SDHB: variants seen among roughly 807,000 people sequenced by gnomAD.
SDHB encodes succinate dehydrogenase [ubiquinone] iron-sulfur subunit, mitochondrial.
SDHB carries 21 observed loss-of-function variants against 39.7 expected under a neutral mutation model. The observed-to-expected ratio is 0.53, with a 90% CI of 0.37 to 0.76. The LOEUF is 0.76. Among genes scored for constraint, SDHB ranks in the 30% least tolerant of loss-of-function variants. The pLI, the probability that SDHB is intolerant of heterozygous loss-of-function variation, is 0.00. For synonymous variants in SDHB, 118 were observed against 117.0 expected (o/e 1.01, Z -0.06); for missense variants, 343 against 350.9 (o/e 0.98, Z 0.18).
chr1:17,028,679 C>T lies in SDHB; in HGVS notation c.344G>A (p.Arg115Gln), dbSNP rs200973284. The T allele has an allele frequency of 9.3e-6, 15 of 1,613,982 alleles. No individual in the cohort carries two copies. The Admixed American group carries it at 1.2e-4, about 13-fold the overall frequency. Residue 115 changes from arginine (R) to glutamine (Q), a missense_variant, in exon 4 of 8, where the codon CGA becomes CAA. Coordinates refer to ENST00000375499, the MANE Select transcript of SDHB (RefSeq NM_003000.3). ...INGGNTLACT[R>Q]RIDTNLNKVS... ...CTTATTGAGGTTGGTGTCAATCCTTCGGGTGCAAGCTAGAGTGTTGCCTCC... is the reference window on the plus strand; with the variant it reads ...CTTATTGAGGTTGGTGTCAATCCTTTGGGTGCAAGCTAGAGTGTTGCCTCC...
rs2077945744 is a variant in SDHB at position 17,018,888 on chromosome 1, G to A, written c.836C>T (p.Ser279Leu). ...MMATYKEKKA[S>L]V ...TGTTTAGCATGGAAACAGTTAAACT[G>A]AAGCTTTCTTCTCCTTATAGGTTGC... Residue 279 changes from serine (S) to leucine (L), a missense_variant, in exon 8 of 8, where the codon TCA (serine) becomes TTA (leucine). Coordinates refer to ENST00000375499, the MANE Select transcript of SDHB (RefSeq NM_003000.3). 1.9e-6 allele frequency: 3 copies of A among 1,609,234 alleles called. No homozygotes were observed. In the East Asian group the frequency reaches 6.7e-5, roughly 36 times the overall value.
rs528442805 is a variant in SDHB, at chr1:17,027,749, C to T, written c.540G>A (p.Leu180=). 1.3e-6 allele frequency: 2 copies of T among 1,521,466 alleles called. No individual in the cohort carries two copies. The highest frequency in any genetic ancestry group is 1.8e-6 in the Non-Finnish European group (2 of 1,095,722). The allele number at this position is 1,521,466 out of a possible 1,614,324, so 94.2% of individuals were successfully genotyped here. The part of the protein sequence containing the change: ...YLQSIEEREK[L]DGLYECILCA... ...GAAACAATAAATAGGGACTAATGAC[C>T]AGTTTCTCACGCTCTTCTATGGACT... The change falls in exon 5 of 8, where the codon CTG becomes CTA. Residue 180 remains leucine, a splice_region_variant and synonymous_variant. Transcript: ENST00000375499.
chr1:17,035,847 G>A (rs12562307), intron 2 of SDHB, among the ~76,000 whole-genome samples: 41,119 of 151,754 alleles, frequency 0.27, 6,360 homozygotes, highest in East Asian at 0.63. Flanking sequence ...GAGACAGAGC[G>A]AGACTGTCTC....
At chr1:17,052,250 C>G (rs2078152379) in intron 1 of SDHB, 2 of 152,190 alleles carry the variant, frequency 1.3e-5, no homozygotes, top group African/African-American at 2.4e-5. Context: ...CAGTCAAATA[C>G]TTACAGGCAG....
chr1:17,031,518 T>G (rs912324651), intron 3 of SDHB, among the ~76,000 whole-genome samples: 2 of 152,176 alleles, frequency 1.3e-5, no homozygotes, highest in Non-Finnish European at 2.9e-5. Context: ...TTTCCTGTGT[T>G]GCCAGGACTT....
At chr1:17,053,913 C>T in intron 1 of SDHB, 35 bp downstream of exon 1, 1 of 1,556,214 alleles carries the variant, frequency 6.4e-7, no homozygotes, top group South Asian at 1.1e-5. Flanking sequence ...CTGTGGCTTT[C>T]CTGACTTTTC....
chr1:17,040,917 G>A (rs1467941134), intron 2 of SDHB, among the ~76,000 whole-genome samples: 1 of 152,102 alleles, frequency 6.6e-6, no homozygotes, highest in African/African-American at 2.4e-5. Context: ...ATCACTTGAG[G>A]TCAGGAGTTT....
rs34261028 is a variant in SDHB at position 17,027,878 on chromosome 1, GGAAGAAGAAGAA to G, written c.424-25_424-14del. On this transcript the variant is annotated splice_polypyrimidine_tract_variant and intron_variant, in intron 4 of 7. Coordinates refer to ENST00000375499, the MANE Select transcript of SDHB (RefSeq NM_003000.3). The stretch of plus-strand genomic sequence containing the variant: ...AGTTGCTCAAATCCTGTGGTTAAGA[GGAAGAAGAAGAA>G]GAAGAAGAAGAAAAGGATCAGATTC... 2.2e-6 allele frequency: 3 copies of G among 1,378,020 alleles called. No homozygotes were observed. The South Asian group carries it at 3.5e-5, about 16-fold the overall frequency. The allele number at this position is 1,378,020 out of a possible 1,614,324, so 85.4% of individuals were successfully genotyped here. A position where few individuals can be genotyped will look rare whatever the true frequency, so the allele number is the denominator to read the frequency against.
chr1:17,049,231 T>A (rs2078130863), intron 1 of SDHB, among the ~76,000 whole-genome samples: 1 of 152,162 alleles, frequency 6.6e-6, no homozygotes, highest in African/African-American at 2.4e-5. Context: ...GCTTAAGCAA[T>A]CCTCCCATCT....
intron 2 of SDHB, among the ~76,000 whole-genome samples, chr1:17,036,399 C>T (rs1393540621): frequency 6.6e-6 from 1 of 151,910 alleles, no homozygotes; most frequent in Non-Finnish European, 1.5e-5. Flanking sequence ...CAGGTTTGAC[C>T]TCCCAGGCTC....
intron 1 of SDHB, among the ~76,000 whole-genome samples, chr1:17,051,791 A>T (rs2078149486): frequency 6.6e-6 from 1 of 152,056 alleles, no homozygotes; most frequent in Admixed American, 6.6e-5. Flanking sequence ...CTGATTTGTA[A>T]ATAGGTATCC....
intron 1 of SDHB, among the ~76,000 whole-genome samples, chr1:17,048,241 A>T (rs1222693243): frequency 1.3e-5 from 2 of 152,180 alleles, no homozygotes; most frequent in Admixed American, 6.6e-5. Flanking sequence ...ATCATCTGGT[A>T]TGTAGCCTTT....
At position 17,033,238 on chromosome 1, in the gene SDHB, T is replaced by G. The variant is rs901329352; in HGVS notation, c.201-93A>C. On this transcript the variant is annotated intron_variant, in intron 2 of 7. Transcript: ENST00000375499. ...ATCGGAGACACCTGGATGTATTAGC[T>G]TATCCATTTGGTCTTCTCAGGTCAC... 4.8e-6 allele frequency: 5 copies of G among 1,031,986 alleles called. No individual in the cohort carries two copies. In the Admixed American group the frequency reaches 5.7e-5, roughly 12 times the overall value. The allele number at this position is 1,031,986 out of a possible 1,614,324, so 63.9% of individuals were successfully genotyped here. A position where few individuals can be genotyped will look rare whatever the true frequency, so the allele number is the denominator to read the frequency against.
intron 3 of SDHB, 106 bp downstream of exon 3, chr1:17,032,954 G>T: frequency 1.2e-6 from 1 of 835,408 alleles, no homozygotes; most frequent in Non-Finnish European, 2.1e-6. Context: ...AGTTCACCCA[G>T]CAGAGAGCTG....
At chr1:17,046,806 C>T (rs1470286944) in intron 1 of SDHB, among the ~76,000 whole-genome samples, 1 of 152,164 alleles carries the variant, frequency 6.6e-6, no homozygotes, top group Non-Finnish European at 1.5e-5. Context: ...CAACCTCCGC[C>T]TCCCCGGTTC....
chr1:17,053,091 AT>A (rs2078157639), intron 1 of SDHB, among the ~76,000 whole-genome samples: 1 of 152,098 alleles, frequency 6.6e-6, no homozygotes, highest in Non-Finnish European at 1.5e-5. Flanking sequence ...GGATTTGCAA[AT>A]CCTTAGTCCC....
chr1:17,036,151 T>C (rs2078049294), intron 2 of SDHB, among the ~76,000 whole-genome samples: 1 of 152,170 alleles, frequency 6.6e-6, no homozygotes. Context: ...GGGATTTTGA[T>C]GGGGATTGCA....
intron 2 of SDHB, 67 bp from the exon 3 acceptor site, chr1:17,033,212 A>G (rs2078033006): frequency 1.7e-6 from 2 of 1,185,816 alleles, no homozygotes; most frequent in Admixed American, 3.5e-5. Context: ...ATCATAATAT[A>G]ATCGGAGACA....
intron 5 of SDHB, among the ~76,000 whole-genome samples, chr1:17,025,675 G>T (rs1431061077): frequency 6.6e-6 from 1 of 152,120 alleles, no homozygotes; most frequent in Non-Finnish European, 1.5e-5. Flanking sequence ...ACCTATTTTG[G>T]TTTGGGGGCT....
Sources: gnomAD v4.1 joint callset for allele counts (sites outside exome capture counted in the v4.1 genomes callset) on GRCh38, gnomAD v4.1.1 for gene constraint, MANE v1.5 for transcripts, NCBI Gene and HGNC (gene_info 2026-07-23, HGNC 2026-07-21) for gene names.